DNAJC1: variants seen among roughly 807,000 people sequenced by gnomAD.
DNAJC1 encodes the protein DnaJ heat shock protein family (Hsp40) member C1.
Under a neutral mutation model 76.6 loss-of-function variants are expected in DNAJC1, and 58 were observed. That is an observed-to-expected ratio of 0.76 (90% CI 0.61 to 0.94). The LOEUF (loss-of-function observed/expected upper bound fraction) is 0.94, where lower values mean the gene tolerates loss of function less well. Ranked by LOEUF, DNAJC1 falls within the 40% of genes least tolerant of loss-of-function variation. DNAJC1 has a pLI of 0.00. For missense variants in DNAJC1, 689 were observed against 677.3 expected, an observed-to-expected ratio of 1.02 and a Z score of -0.19; for synonymous variants, 258 against 267.9, an observed-to-expected ratio of 0.96 and a Z score of 0.36.
rs543561964 is a variant in DNAJC1, at chr10:21,889,291, A to G, written c.821-6852T>C. ...CTGTCTCAAGAAGAGCACGAAGGGGATTTGCTAAACCATTCATGAGACATT... is the reference window on the plus strand; with the variant it reads ...CTGTCTCAAGAAGAGCACGAAGGGGGTTTGCTAAACCATTCATGAGACATT... On this transcript the variant is annotated intron_variant, in intron 7 of 11. Coordinates refer to ENST00000376980, the MANE Select transcript of DNAJC1 (RefSeq NM_022365.4). Among the ~76,000 whole-genome samples, 334 of 152,204 alleles carry G rather than the reference A, an allele frequency of 2.2e-3. 3 individuals are homozygous for G. Among genetic ancestry groups the G allele is most frequent in the African/African-American group, 7.7e-3 (318 of 41,528 alleles).
intron 8 of DNAJC1, among the ~76,000 whole-genome samples, chr10:21,873,107 C>A (rs1203407036): frequency 6.6e-6 from 1 of 152,066 alleles, no homozygotes; most frequent in Non-Finnish European, 1.5e-5. Context: ...GTCACGTACC[C>A]CCTGCTTGCT....
In DNAJC1 at chr10:21,867,400, A is replaced by C. The variant is rs927418204; in HGVS notation, c.978+14882T>G. Among the ~76,000 whole-genome samples, 5 of 152,272 alleles carry C rather than the reference A, an allele frequency of 3.3e-5. No homozygotes were observed. In the East Asian group the frequency reaches 7.7e-4, roughly 24 times the overall value. ...TTAAAGTAAAATTTAAAGTATTTAC[A>C]GGCCAACACAATTTAAAATCTAGTC... On this transcript the variant is annotated intron_variant, in intron 8 of 11. Coordinates refer to ENST00000376980, the MANE Select transcript of DNAJC1 (RefSeq NM_022365.4).
chr10:21,777,624 A>G (rs188244272), intron 9 of DNAJC1, among the ~76,000 whole-genome samples: 1 of 152,328 alleles, frequency 6.6e-6, no homozygotes, highest in Admixed American at 6.5e-5. Flanking sequence ...AGATCAAGGT[A>G]TGACAAAGAA....
At chr10:21,875,636 A>C (rs1836174698) in intron 8 of DNAJC1, among the ~76,000 whole-genome samples, 1 of 152,214 alleles carries the variant, frequency 6.6e-6, no homozygotes, top group African/African-American at 2.4e-5. Context: ...CATTAGAATT[A>C]AAAAATAAGC....
chr10:21,835,194 G>T (rs889336319), intron 8 of DNAJC1, among the ~76,000 whole-genome samples: 3 of 152,158 alleles, frequency 2.0e-5, no homozygotes, highest in African/African-American at 7.2e-5. Flanking sequence ...TGCAGCCACC[G>T]CTGCTGATAC....
At chr10:21,844,876 T>A (rs932868386) in intron 8 of DNAJC1, among the ~76,000 whole-genome samples, 3 of 152,048 alleles carry the variant, frequency 2.0e-5, no homozygotes, top group African/African-American at 7.2e-5. Flanking sequence ...TGCAAAAAAA[T>A]TTTAAAAATT....
intron 1 of DNAJC1, among the ~76,000 whole-genome samples, chr10:21,983,408 C>T (rs1838188506): frequency 6.6e-6 from 1 of 152,010 alleles, no homozygotes; most frequent in African/African-American, 2.4e-5. Flanking sequence ...GTGCTTATAA[C>T]AGGCAAATTC....
chr10:21,900,299 C>T (rs946709862), intron 7 of DNAJC1, among the ~76,000 whole-genome samples: 12 of 150,672 alleles, frequency 8.0e-5, no homozygotes, highest in Non-Finnish European at 1.2e-4. Flanking sequence ...GCCAACATTG[C>T]GCCACTGCAC....
chr10:21,996,895 A>G (rs1242450495), intron 1 of DNAJC1, among the ~76,000 whole-genome samples: 1 of 152,188 alleles, frequency 6.6e-6, no homozygotes, highest in South Asian at 2.1e-4. Context: ...ATACAATTAA[A>G]CAAGTACTTA....
intron 1 of DNAJC1, among the ~76,000 whole-genome samples, chr10:21,956,684 G>A (rs559253760): frequency 2.0e-5 from 3 of 151,098 alleles, no homozygotes; most frequent in South Asian, 2.1e-4. Flanking sequence ...TTTTTGCCTG[G>A]ATCATTACAA....
At chr10:21,899,786 T>C (rs971835554) in intron 7 of DNAJC1, among the ~76,000 whole-genome samples, 3 of 152,158 alleles carry the variant, frequency 2.0e-5, no homozygotes, top group African/African-American at 7.2e-5. Context: ...GGGGGGACCC[T>C]TCCTAGTCCA....
At chr10:21,928,125 G>A (rs1029248411) in intron 3 of DNAJC1, among the ~76,000 whole-genome samples, 1 of 152,070 alleles carries the variant, frequency 6.6e-6, no homozygotes, top group Non-Finnish European at 1.5e-5. Flanking sequence ...TTTAAGGAAT[G>A]GGGGGGAAAA....
intron 8 of DNAJC1, among the ~76,000 whole-genome samples, chr10:21,869,775 T>C (rs1279023549): frequency 6.6e-6 from 1 of 152,078 alleles, no homozygotes; most frequent in African/African-American, 2.4e-5. Context: ...GACATACAAC[T>C]ATAAACAGCC....
chr10:21,910,968 G>C (rs1424993803), intron 6 of DNAJC1, among the ~76,000 whole-genome samples: 3 of 145,062 alleles, frequency 2.1e-5, no homozygotes, highest in Admixed American at 1.4e-4. Flanking sequence ...GAGAAAGAAA[G>C]AGGGGGGGAA....
chr10:21,838,006 G>T (rs1292054153), intron 8 of DNAJC1, among the ~76,000 whole-genome samples: 1 of 150,220 alleles, frequency 6.7e-6, no homozygotes, highest in East Asian at 2.0e-4. Context: ...GCTGGGAGGT[G>T]GGGGGCGTCT....
chr10:21,763,706 G>GAAAT (rs1834266167), intron 10 of DNAJC1, among the ~76,000 whole-genome samples: 1 of 152,010 alleles, frequency 6.6e-6, no homozygotes, highest in Non-Finnish European at 1.5e-5. Flanking sequence ...TGTGTAATAG[G>GAAAT]AAATATTCCC....
chr10:21,849,544 T>C (rs1835718221), intron 8 of DNAJC1, among the ~76,000 whole-genome samples: 1 of 151,766 alleles, frequency 6.6e-6, no homozygotes. Context: ...AGAGGGGAGA[T>C]GCAAATAACT....
chr10:21,804,312 A>G (rs1333343388), intron 9 of DNAJC1, among the ~76,000 whole-genome samples: 4 of 152,138 alleles, frequency 2.6e-5, no homozygotes, highest in African/African-American at 7.2e-5. Context: ...GAGATAATAC[A>G]TTAGTATTAC....
Position 21,815,782 on chromosome 10 carries a change from G to C in DNAJC1, c.979-9683C>G, listed in dbSNP as rs189633798. ...TTTTTTTGAGACGGAGTTTCCCTCTGTTGCACAGGCTGGAGGGCAGTGGTG... is the reference window on the plus strand; with the variant it reads ...TTTTTTTGAGACGGAGTTTCCCTCTCTTGCACAGGCTGGAGGGCAGTGGTG... On this transcript the variant is annotated intron_variant, in intron 8 of 11. Coordinates refer to ENST00000376980, the MANE Select transcript of DNAJC1 (RefSeq NM_022365.4). 2.2e-3 allele frequency among the ~76,000 whole-genome samples: 338 copies of C among 151,336 alleles called. 3 individuals are homozygous for C. The highest frequency in any genetic ancestry group is 7.8e-3 in the African/African-American group (322 of 41,230).
Sources: allele counts gnomAD v4.1 joint callset (sites outside exome capture counted in the v4.1 genomes callset), GRCh38; gene constraint gnomAD v4.1.1; transcripts MANE v1.5; gene names NCBI Gene and HGNC (gene_info 2026-07-23, HGNC 2026-07-21).